Variants in NTHL1 observed in about 807,000 individuals in gnomAD.
NTHL1 encodes endonuclease III-like protein 1.
NTHL1 carries 32 observed loss-of-function variants against 32.3 expected under a neutral mutation model. The ratio of observed to expected loss-of-function variants is 0.99; its 90% CI spans 0.75 to 1.33. NTHL1 has a LOEUF of 1.33. Ranked by LOEUF, NTHL1 falls within the 40% of genes most tolerant of loss-of-function variation. NTHL1 has a pLI of 0.00. For synonymous variants in NTHL1, 188 were observed against 176.9 expected, an observed-to-expected ratio of 1.06 and a Z score of -0.50; for missense variants, 501 against 414.1, an observed-to-expected ratio of 1.21 and a Z score of -1.82.
chr16:2,043,772 C>T lies in NTHL1; in HGVS notation c.526-46G>A. 1 of 1,605,800 alleles carries T rather than the reference C, an allele frequency of 6.2e-7. No homozygotes were observed. The highest frequency in any genetic ancestry group is 1.1e-5 in the South Asian group (1 of 90,908). The stretch of plus-strand genomic sequence containing the variant: ...CAGCCTTGGAGGCAAGGGCACAGCC[C>T]AACCTGGGAGGATGCAGCCCCCAGG... On this transcript the variant is annotated intron_variant, in intron 3 of 5. Transcript: ENST00000651570. The surrounding 1 kb of genome is among the most constrained non-coding windows in gnomAD (Gnocchi z 4.4).
chr16:2,044,496 G>C lies in NTHL1; in HGVS notation c.525+134C>G. 1 of 1,149,788 alleles carries C rather than the reference G, an allele frequency of 8.7e-7. No homozygotes were observed. Among genetic ancestry groups the C allele is most frequent in the Non-Finnish European group, 1.3e-6 (1 of 788,840 alleles). 71.2% of individuals were successfully genotyped at this position (1,149,788 alleles called of 1,614,324 possible). On this transcript the variant is annotated intron_variant, in intron 3 of 5. Coordinates refer to ENST00000651570, the MANE Select transcript of NTHL1 (RefSeq NM_002528.7). This position sits in a 1 kb window ranked among gnomAD's most constrained non-coding sequence, Gnocchi z 5.0. ...AGGCCTCAGGGCCCCACGGCCTGGG[G>C]GGGGCTTCAGGGGGACCCCCCGAGC... is the stretch of plus-strand genomic sequence containing the variant.
chr16:2,042,526 C>G (rs1422853654), intron 4 of NTHL1, among the ~76,000 whole-genome samples: 1 of 152,138 alleles, frequency 6.6e-6, no homozygotes, highest in South Asian at 2.1e-4. Flanking sequence ...GCACAGGCCC[C>G]CTGCAGGAGT....
intron 2 of NTHL1, among the ~76,000 whole-genome samples, chr16:2,045,366 GC>G (rs1344367746): frequency 6.6e-6 from 1 of 152,062 alleles, no homozygotes; most frequent in Non-Finnish European, 1.5e-5. Flanking sequence ...ATCGTATCTG[GC>G]CCATCACTAC....
chr16:2,043,976 G>A lies in NTHL1; in HGVS notation c.526-250C>T, dbSNP rs562081596. 4.0e-4 allele frequency: 214 copies of A among 540,530 alleles called. 1 individual carries two copies. The East Asian group carries it at 6.7e-3, about 17-fold the overall frequency. 33.5% of individuals were successfully genotyped at this position (540,530 alleles called of 1,614,324 possible). ...TGTAGGCTCTGGCTGGGGTTCCCCT[G>A]CCCGTCATTCCCTGCCAGCACCCAG... is the stretch of plus-strand genomic sequence containing the variant. On this transcript the variant is annotated intron_variant, in intron 3 of 5. Transcript: ENST00000651570. The surrounding 1 kb of genome is among the most constrained non-coding windows in gnomAD (Gnocchi z 4.4).
rs577439340 is a variant in NTHL1 at position 2,045,938 on chromosome 16, C to T, written c.354+190G>A. ...ACTGGGCAGAAGTTCGAGCACGAGG[C>T]CCTAAACCACTGGTGTCCTGACCTG... On this transcript the variant is annotated intron_variant, in intron 2 of 5. Transcript: ENST00000651570. Among the ~76,000 whole-genome samples, 3 of 152,306 alleles carry T rather than the reference C, an allele frequency of 2.0e-5. No individual in the cohort carries two copies. In the South Asian group the frequency reaches 6.2e-4, roughly 32 times the overall value.
rs763847748 is a variant in NTHL1, at chr16:2,047,747, T to A, written c.77A>T (p.Glu26Val). The change falls in exon 1 of 6, where the codon GAG becomes GTG. Residue 26 changes from glutamate to valine, a missense_variant. By Grantham distance (121) the Glu-to-Val change is moderately radical. Transcript: ENST00000651570. ...GPGAGPRGCR[E>V]EPGPLRRREA... Reference sequence around the variant, plus strand: ...TCTTCTCCGGAGAGGCCCGGGCTCCTCCCTACACCCCCGCGGCCCAGCCCC... The same window carrying A: ...TCTTCTCCGGAGAGGCCCGGGCTCCACCCTACACCCCCGCGGCCCAGCCCC... 6.3e-7 allele frequency: 1 copy of A among 1,586,508 alleles called. No homozygotes were observed. The highest frequency in any genetic ancestry group is 1.1e-5 in the South Asian group (1 of 88,338).
At chr16:2,041,332 C>T (rs548237035) in intron 4 of NTHL1, among the ~76,000 whole-genome samples, 72 of 152,362 alleles carry the variant, frequency 4.7e-4, no homozygotes, top group Non-Finnish European at 9.0e-4. Context: ...ATGACGAGGA[C>T]TGCCTCACCC....
At position 2,046,239 on chromosome 16, in the gene NTHL1, G is replaced by A; in HGVS notation, c.243C>T (p.Pro81=). Residue 81 remains proline (P), a synonymous_variant, in exon 2 of 6, where the codon CCC becomes CCT. Coordinates refer to ENST00000651570, the MANE Select transcript of NTHL1 (RefSeq NM_002528.7). ...TGACCAGCTGTTGCTGCCAGTCCTG[G>A]GGCTCCCAGACTGGCACCTTGAGGG... The part of the protein sequence containing the change: ...AEPLKVPVWE[P]QDWQQQLVNI... 1.9e-6 allele frequency: 3 copies of A among 1,613,200 alleles called. No homozygotes were observed. The highest frequency in any genetic ancestry group is 2.7e-5 in the African/African-American group (2 of 75,016).
In NTHL1 at chr16:2,043,635, A is replaced by T; in HGVS notation, c.617T>A (p.Leu206Gln). The T allele has an allele frequency of 6.2e-7, 1 of 1,611,430 alleles. No individual in the cohort carries two copies. The highest frequency in any genetic ancestry group is 8.5e-7 in the Non-Finnish European group (1 of 1,179,972). The part of the protein sequence containing the change: ...IPASVAELVA[L>Q]PGVGPKMAHL... ...TGCCATCTTGGGCCCAACACCCGGC[A>T]GCGCCACCAGCTCGGCCACAGAGGC... Residue 206 changes from leucine to glutamine, a missense_variant, in exon 4 of 6, where the codon CTG becomes CAG. Transcript: ENST00000651570. This position sits in a 1 kb window ranked among gnomAD's most constrained non-coding sequence, Gnocchi z 4.4.
At chr16:2,040,455 C>T (rs2084249837) in intron 4 of NTHL1, 2 of 619,380 alleles carry the variant, frequency 3.2e-6, no homozygotes, top group Admixed American at 4.8e-5. Context: ...GGCCTCTCTC[C>T]CATCACCTGA....
Position 2,040,346 on chromosome 16 carries a change from G to A in NTHL1, c.686-108C>T, listed in dbSNP as rs1243477638. 5 of 1,025,068 alleles carry A rather than the reference G, an allele frequency of 4.9e-6. No homozygotes were observed. The East Asian group carries it at 1.2e-4, about 24-fold the overall frequency. 63.5% of individuals were successfully genotyped at this position (1,025,068 alleles called of 1,614,324 possible). On this transcript the variant is annotated intron_variant, in intron 4 of 5. Transcript: ENST00000651570. ...CACCACCCCCGTGGCCCTCCAGTTA[G>A]ACATTGGAACCGCAAAGCCCTGGCT... is the stretch of plus-strand genomic sequence containing the variant.
rs187736362 is a variant in NTHL1 at position 2,042,186 on chromosome 16, C to T, written c.685+1381G>A. ...ATTTCCACATGGCTGTCTCTTGTGCCCGCTGCTCCCAAAGCCCGTTCCCTG... is the reference window on the plus strand; with the variant it reads ...ATTTCCACATGGCTGTCTCTTGTGCTCGCTGCTCCCAAAGCCCGTTCCCTG... On this transcript the variant is annotated intron_variant, in intron 4 of 5. Transcript: ENST00000651570. 2.4e-3 allele frequency: 1,068 copies of T among 438,794 alleles called. 10 individuals are homozygous for T. The highest frequency in any genetic ancestry group is 2.5e-3 in the Non-Finnish European group (540 of 218,102). The allele number at this position is 438,794 out of a possible 1,614,324, so 27.2% of individuals were successfully genotyped here.
At chr16:2,045,559 C>T (rs867222826) in intron 2 of NTHL1, among the ~76,000 whole-genome samples, 1 of 152,128 alleles carries the variant, frequency 6.6e-6, no homozygotes, top group South Asian at 2.1e-4. Context: ...GCCTCGCCCT[C>T]CTAAGTAGCT....
rs755309344 is a variant in NTHL1 at position 2,044,830 on chromosome 16, G to A, written c.355-30C>T. ...TTGTGCAGTGACAGGGACCGGGGTG[G>A]CGGCGGGTCCTGGGTGATTCCCTGG... On this transcript the variant is annotated intron_variant, in intron 2 of 5. Coordinates refer to ENST00000651570, the MANE Select transcript of NTHL1 (RefSeq NM_002528.7). This position sits in a 1 kb window ranked among gnomAD's most constrained non-coding sequence, Gnocchi z 5.0. 3.8e-6 allele frequency: 6 copies of A among 1,559,976 alleles called. No individual in the cohort carries two copies. The highest frequency in any genetic ancestry group is 1.7e-4 in the Middle Eastern group (1 of 5,928).
rs781469017 is a variant in NTHL1, at chr16:2,040,156, G to T, written c.768C>A (p.Ala256=). The part of the protein sequence containing the change: ...KATKSPEETR[A]ALEEWLPREL... ...ACCTAGGCAGCCACTCCTCCAGGGC[G>T]GCGCGGGTCTCCTCTGGGGACTTGG... Residue 256 remains alanine (A), a synonymous_variant, in exon 5 of 6, where the codon GCC becomes GCA. Transcript: ENST00000651570. 12 of 1,613,978 alleles carry T rather than the reference G, an allele frequency of 7.4e-6. No homozygotes were observed. Among genetic ancestry groups the T allele is most frequent in the Non-Finnish European group, 1.0e-5 (12 of 1,180,026 alleles).
At chr16:2,045,607 T>C (rs1388450711) in intron 2 of NTHL1, among the ~76,000 whole-genome samples, 1 of 152,064 alleles carries the variant, frequency 6.6e-6, no homozygotes, top group Non-Finnish European at 1.5e-5. Context: ...TGGCTAATTT[T>C]TGTATTTTTA....
At chr16:2,042,697 A>G (rs2150940369) in intron 4 of NTHL1, among the ~76,000 whole-genome samples, 1 of 152,178 alleles carries the variant, frequency 6.6e-6, no homozygotes, top group Admixed American at 6.5e-5. Flanking sequence ...GTCTGCACCC[A>G]ACTGCCAAGA....
chr16:2,047,715 C>T lies in NTHL1; in HGVS notation c.109G>A (p.Ala37Thr), dbSNP rs564610639. 6 of 1,581,098 alleles carry T rather than the reference C, an allele frequency of 3.8e-6. No homozygotes were observed. The South Asian group carries it at 5.7e-5, about 15-fold the overall frequency. ...AGCCACGGCGCGGCGCTACCTGCTG[C>T]AGCCTCTCTTCTCCGGAGAGGCCCG... ...EPGPLRRREA[A>T]AEARKSHSPV... The change falls in exon 1 of 6, where the codon GCA becomes ACA. Residue 37 changes from alanine to threonine, a missense_variant. Coordinates refer to ENST00000651570, the MANE Select transcript of NTHL1 (RefSeq NM_002528.7).
intron 2 of NTHL1, among the ~76,000 whole-genome samples, chr16:2,045,033 C>T (rs1381153752): frequency 1.3e-5 from 2 of 152,178 alleles, no homozygotes; most frequent in Admixed American, 6.5e-5. Flanking sequence ...AATGAATTAT[C>T]TCAGTGCTTA....
Sources: allele counts gnomAD v4.1 joint callset (sites outside exome capture counted in the v4.1 genomes callset), GRCh38; gene constraint gnomAD v4.1.1; non-coding constraint Gnocchi (gnomAD v3.1); transcripts MANE v1.5; gene names NCBI Gene and HGNC (gene_info 2026-07-23, HGNC 2026-07-21).